CHLSN: variants seen among roughly 807,000 people sequenced by gnomAD.
CHLSN encodes the protein cholesin.
chr7:1,060,050 TAGTG>T, the CHLSN span, among the ~76,000 whole-genome samples: 1 of 149,270 alleles, frequency 6.7e-6, no homozygotes, highest in African/African-American at 2.5e-5. Flanking sequence ...AGGCGGGTCT[TAGTG>T]AGGCGGGTCT....
the CHLSN span, among the ~76,000 whole-genome samples, chr7:1,102,405 G>A: frequency 6.6e-6 from 1 of 152,216 alleles, no homozygotes; most frequent in African/African-American, 2.4e-5. Context: ...GTCGGCGTCT[G>A]CAGCCACACT....
chr7:1,056,721 G>A, the CHLSN span: 1 of 152,332 alleles, frequency 6.6e-6, no homozygotes, highest in South Asian at 2.1e-4. Flanking sequence ...CCGGGCATGG[G>A]AACGATGCCG....
At chr7:1,087,892 G>A in the CHLSN span, among the ~76,000 whole-genome samples, 2 of 152,186 alleles carry the variant, frequency 1.3e-5, no homozygotes, top group East Asian at 3.8e-4. Flanking sequence ...CTTAAAGAAA[G>A]GTTTGTATCT....
At chr7:1,122,124 G>A in the CHLSN span, among the ~76,000 whole-genome samples, 5 of 152,330 alleles carry the variant, frequency 3.3e-5, no homozygotes, top group East Asian at 3.9e-4. Context: ...GAAACCAGGG[G>A]TGAGTCTCTT....
At chr7:994,314 C>T in the CHLSN span, among the ~76,000 whole-genome samples, 3 of 151,902 alleles carry the variant, frequency 2.0e-5, no homozygotes, top group Non-Finnish European at 2.9e-5. Context: ...GCGCCCACCA[C>T]CACACCCAGC....
the CHLSN span, among the ~76,000 whole-genome samples, chr7:1,046,341 G>A: frequency 2.0e-5 from 3 of 152,194 alleles, no homozygotes; most frequent in African/African-American, 2.4e-5. Context: ...CCGGCCGACC[G>A]TGTCATGCAC....
At chr7:1,020,915 T>A in the CHLSN span, among the ~76,000 whole-genome samples, 2 of 152,120 alleles carry the variant, frequency 1.3e-5, no homozygotes, top group Admixed American at 1.3e-4. Context: ...GGACTGGGGT[T>A]ACGAAAGACA....
chr7:986,955 G>A, the CHLSN span: 703 of 1,311,426 alleles, frequency 5.4e-4, 1 homozygote, highest in Non-Finnish European at 6.1e-4. Context: ...TCTGTGAAAC[G>A]GGGCATCCAT....
the CHLSN span, among the ~76,000 whole-genome samples, chr7:1,112,357 C>G: frequency 6.6e-6 from 1 of 152,210 alleles, no homozygotes; most frequent in African/African-American, 2.4e-5. Flanking sequence ...GAGCCCAGTG[C>G]CAGCTAACAG....
chr7:1,095,953 G>A, the CHLSN span, among the ~76,000 whole-genome samples: 16 of 152,224 alleles, frequency 1.1e-4, no homozygotes, highest in Non-Finnish European at 1.3e-4. Context: ...CGGCAGCAGC[G>A]GCAGCGGGGA....
the CHLSN span, chr7:1,092,019 C>T: frequency 3.7e-6 from 6 of 1,614,132 alleles, no homozygotes; most frequent in Non-Finnish European, 5.1e-6. Context: ...CCGACCTGTA[C>T]TTCATCAACC....
the CHLSN span, chr7:1,127,430 G>C: frequency 6.4e-7 from 1 of 1,553,250 alleles, no homozygotes; most frequent in Non-Finnish European, 8.7e-7. Flanking sequence ...GAAATGAAAG[G>C]CTTAACTCAT....
At chr7:1,027,402 C>T in the CHLSN span, among the ~76,000 whole-genome samples, 1 of 152,268 alleles carries the variant, frequency 6.6e-6, no homozygotes, top group African/African-American at 2.4e-5. Context: ...CGGCTGTGCG[C>T]GCAGCAGCTG....
At chr7:1,078,692 A>G in the CHLSN span, among the ~76,000 whole-genome samples, 1 of 152,092 alleles carries the variant, frequency 6.6e-6, no homozygotes, top group African/African-American at 2.4e-5. Context: ...CCCAGTGAAA[A>G]CCTGGGCTTC....
At chr7:995,945 G>A in the CHLSN span, among the ~76,000 whole-genome samples, 1 of 152,236 alleles carries the variant, frequency 6.6e-6, no homozygotes, top group Non-Finnish European at 1.5e-5. Context: ...GGTGGGTGCA[G>A]AGAGGACCTG....
the CHLSN span, among the ~76,000 whole-genome samples, chr7:1,042,353 G>A: frequency 6.6e-6 from 1 of 152,206 alleles, no homozygotes; most frequent in East Asian, 1.9e-4. Context: ...CACTAGACTA[G>A]GGTGCAACCG....
the CHLSN span, among the ~76,000 whole-genome samples, chr7:1,002,293 G>C: frequency 7.4e-6 from 1 of 134,980 alleles, no homozygotes; most frequent in Admixed American, 7.1e-5. Context: ...GTGGAATCCT[G>C]TGGGTGGGGA....
At chr7:1,052,258 C>A in the CHLSN span, among the ~76,000 whole-genome samples, 1 of 152,226 alleles carries the variant, frequency 6.6e-6, no homozygotes, top group Non-Finnish European at 1.5e-5. The surrounding 1 kb of genome is among the most constrained non-coding windows in gnomAD (Gnocchi z 4.2). Context: ...GCGTGCCCTC[C>A]TGAGAGGCAA....
At chr7:1,051,489 C>T in the CHLSN span, among the ~76,000 whole-genome samples, 1 of 152,232 alleles carries the variant, frequency 6.6e-6, no homozygotes, top group African/African-American at 2.4e-5. Context: ...TCTCCCGATT[C>T]CGCTGGGCTT....
Sources: gnomAD v4.1 joint callset for allele counts (sites outside exome capture counted in the v4.1 genomes callset) on GRCh38, gnomAD v4.1.1 for gene constraint, Gnocchi (gnomAD v3.1) non-coding constraint, MANE v1.5 for transcripts, NCBI Gene and HGNC (gene_info 2026-07-23, HGNC 2026-07-21) for gene names.